SPECC1L: variants seen among roughly 807,000 people sequenced by gnomAD.
SPECC1L encodes the protein cytospin-A.
A neutral mutation model predicts 116.8 loss-of-function variants in SPECC1L; 40 were observed. The ratio of observed to expected loss-of-function variants is 0.34; its 90% CI spans 0.27 to 0.45. SPECC1L has a LOEUF of 0.45. Among genes scored for constraint, SPECC1L ranks in the 20% least tolerant of loss-of-function variants. The pLI is 1.00. For synonymous variants in SPECC1L, 504 were observed against 500.6 expected (o/e 1.01, Z -0.09); for missense variants, 1,110 against 1,373.6 (o/e 0.81, Z 3.03).
At chr22:24,289,489 G>A (rs551205734) in intron 2 of SPECC1L, among the ~76,000 whole-genome samples, 1 of 151,104 alleles carries the variant, frequency 6.6e-6, no homozygotes, top group Admixed American at 6.5e-5. Context: ...TTTTTAAAAA[G>A]TAGAAAGAAG....
At chr22:24,362,131 TTGTCCTTGTGACTGCCTCTCTG>T (rs2041658020) in intron 11 of SPECC1L, among the ~76,000 whole-genome samples, 2 of 152,150 alleles carry the variant, frequency 1.3e-5, no homozygotes, top group East Asian at 3.9e-4. Flanking sequence ...ACAATTCTGG[TTGTCCTTGTGACTGCCTCTCTG>T]TGTCCTGGTC....
At chr22:24,305,537 C>T (rs1226829797) in intron 3 of SPECC1L, among the ~76,000 whole-genome samples, 2 of 152,130 alleles carry the variant, frequency 1.3e-5, no homozygotes, top group Non-Finnish European at 2.9e-5. Context: ...GAATATACCA[C>T]AGTTTGTTCA....
intron 14 of SPECC1L, among the ~76,000 whole-genome samples, chr22:24,389,732 C>G (rs145885193): frequency 2.6e-5 from 4 of 152,174 alleles, no homozygotes; most frequent in African/African-American, 9.6e-5. Flanking sequence ...ATAAAAATAG[C>G]TCAGTCCTTC....
At chr22:24,338,350 T>G in intron 9 of SPECC1L, 36 bp from the exon 10 acceptor site, 4 of 1,602,006 alleles carry the variant, frequency 2.5e-6, no homozygotes, top group Non-Finnish European at 3.4e-6. Context: ...CACTGTACAG[T>G]GACATTATTT....
chr22:24,318,288 G>A (rs1301557838), intron 4 of SPECC1L, among the ~76,000 whole-genome samples: 1 of 152,088 alleles, frequency 6.6e-6, no homozygotes, highest in East Asian at 1.9e-4. Context: ...GGAGGCCGAG[G>A]CTGGCAGATC....
In SPECC1L at chr22:24,321,391, A is replaced by G. The variant is rs1175557968; in HGVS notation, c.411A>G (p.Lys137=). The part of the protein sequence containing the change: ...RERTRLNQSK[K]LPSAGQGAND... ...GTACCCGATTAAACCAGAGCAAAAA[A>G]CTACCTTCTGCAGGTCAGGGAGCTA... Residue 137 remains lysine, a synonymous_variant, in exon 5 of 17, where the codon AAA becomes AAG. Transcript: ENST00000314328. 1 of 1,614,254 alleles carries G rather than the reference A, an allele frequency of 6.2e-7. No homozygotes were observed. Among genetic ancestry groups the G allele is most frequent in the South Asian group, 1.1e-5 (1 of 91,090 alleles).
intron 14 of SPECC1L, among the ~76,000 whole-genome samples, chr22:24,390,184 C>T (rs1370276117): frequency 6.6e-6 from 1 of 151,670 alleles, no homozygotes; most frequent in African/African-American, 2.4e-5. Flanking sequence ...GAAAACATTC[C>T]AGAATGCCGC....
chr22:24,377,738 A>G (rs1017170870), intron 14 of SPECC1L, among the ~76,000 whole-genome samples: 12 of 152,322 alleles, frequency 7.9e-5, no homozygotes, highest in African/African-American at 2.6e-4. Context: ...CTCCTGGCTG[A>G]CTGGTTACAT....
At chr22:24,363,186 C>G in intron 11 of SPECC1L, 75 bp from the exon 12 acceptor site, 1 of 1,327,082 alleles carries the variant, frequency 7.5e-7, no homozygotes, top group South Asian at 1.2e-5. Context: ...GAGTAAAACT[C>G]ACCTTCTTTG....
chr22:24,405,200 T>A (rs927365397), intron 14 of SPECC1L, among the ~76,000 whole-genome samples: 10 of 152,144 alleles, frequency 6.6e-5, no homozygotes, highest in Admixed American at 2.0e-4. Context: ...GAGTGAGAAC[T>A]TCCAGCAGCT....
intron 14 of SPECC1L, among the ~76,000 whole-genome samples, chr22:24,391,066 G>A (rs552875531): frequency 1.2e-4 from 18 of 151,540 alleles, no homozygotes; most frequent in African/African-American, 4.1e-4. Context: ...TAGTAGAGAC[G>A]GGGTTTCACC....
At chr22:24,349,036 CT>C (rs912299111) in intron 11 of SPECC1L, among the ~76,000 whole-genome samples, 1,607 of 149,586 alleles carry the variant, frequency 0.011, 34 homozygotes, top group African/African-American at 0.037. Context: ...GGCTTTTCTC[CT>C]TTTTTTTTTC....
chr22:24,363,459 T>G (rs1488895088), intron 12 of SPECC1L, 115 bp downstream of exon 12: 4 of 898,028 alleles, frequency 4.5e-6, no homozygotes, highest in Non-Finnish European at 7.2e-6. Flanking sequence ...CTCACTGGCC[T>G]CAAGCTGTCC....
At chr22:24,330,498 TGTG>T (rs2040916220) in intron 8 of SPECC1L, 67 bp downstream of exon 8, 5 of 1,539,370 alleles carry the variant, frequency 3.2e-6, no homozygotes, top group South Asian at 2.2e-5. Flanking sequence ...CAATTTTTGA[TGTG>T]GTGCTATGGA....
intron 8 of SPECC1L, among the ~76,000 whole-genome samples, chr22:24,331,820 A>G (rs553717389): frequency 6.6e-6 from 1 of 152,108 alleles, no homozygotes; most frequent in Admixed American, 6.5e-5. Flanking sequence ...CTTCACCACC[A>G]CATACTTGAT....
intron 12 of SPECC1L, among the ~76,000 whole-genome samples, chr22:24,364,235 G>A (rs2041704300): frequency 6.6e-6 from 1 of 152,198 alleles, no homozygotes; most frequent in African/African-American, 2.4e-5. Flanking sequence ...AGAACATTTT[G>A]TAATTCTAAT....
At chr22:24,297,275 G>A (rs1392422391) in intron 2 of SPECC1L, among the ~76,000 whole-genome samples, 1 of 151,090 alleles carries the variant, frequency 6.6e-6, no homozygotes, top group Admixed American at 6.6e-5. Context: ...GAAAAAAACT[G>A]TTTAAGGCCG....
At chr22:24,406,303 G>A (rs1482536597) in intron 14 of SPECC1L, among the ~76,000 whole-genome samples, 1 of 152,172 alleles carries the variant, frequency 6.6e-6, no homozygotes, top group Non-Finnish European at 1.5e-5. Flanking sequence ...TCTGGGGGCC[G>A]CCTGCAGACA....
At chr22:24,350,969 T>G (rs2146577910) in intron 11 of SPECC1L, among the ~76,000 whole-genome samples, 1 of 152,306 alleles carries the variant, frequency 6.6e-6, no homozygotes, top group African/African-American at 2.4e-5. Context: ...CAGAGGACAG[T>G]GACGCTCCAT....
Sources: gnomAD v4.1 joint callset for allele counts (sites outside exome capture counted in the v4.1 genomes callset) on GRCh38, gnomAD v4.1.1 for gene constraint, MANE v1.5 for transcripts, NCBI Gene and HGNC (gene_info 2026-07-23, HGNC 2026-07-21) for gene names.